Variants in FRY observed in about 807,000 individuals in gnomAD.
The protein encoded by FRY is FRY microtubule binding protein, also known as protein furry homolog.
In FRY, 128 loss-of-function variants were observed where a neutral mutation model predicts 348.4. That is an observed-to-expected ratio of 0.37 (90% confidence interval 0.32 to 0.43). FRY has a LOEUF of 0.43. Ranked by LOEUF, FRY falls within the 20% of genes least tolerant of loss-of-function variation. The pLI is 1.00. For synonymous variants in FRY, 1,370 were observed against 1,374.7 expected (o/e 1.00, Z 0.08); for missense variants, 2,736 against 3,695.2 (o/e 0.74, Z 6.73).
At position 32,239,646 on chromosome 13, in the gene FRY, A is replaced by G. The variant is rs985513652; in HGVS notation, c.6517-65A>G. On this transcript the variant is annotated intron_variant, in intron 45 of 60. Transcript: ENST00000542859. The surrounding 1 kb of genome is among the most constrained non-coding windows in gnomAD (Gnocchi z 4.3). Reference sequence around the variant, plus strand: ...CCAGATGGCCAGAGCTTATAGTAAAATTGCTAACATTTCTTCCTATTCATT... The same window carrying G: ...CCAGATGGCCAGAGCTTATAGTAAAGTTGCTAACATTTCTTCCTATTCATT... The G allele has an allele frequency of 6.8e-6, 8 of 1,168,014 alleles. No individual in the cohort carries two copies. Among genetic ancestry groups the G allele is most frequent in the Non-Finnish European group, 1.0e-5 (8 of 785,022 alleles). The allele number at this position is 1,168,014 out of a possible 1,614,324, so 72.4% of individuals were successfully genotyped here.
rs772100301 is a variant in FRY, at chr13:32,175,559, C to T, written c.2348C>T (p.Pro783Leu). Residue 783 changes from proline to leucine, a missense_variant, in exon 20 of 61, where the codon CCG (proline) becomes CTG (leucine). Pro to Leu is a moderately conservative substitution (Grantham distance 98, BLOSUM62 -3). Around this residue, in one of 9 missense-constraint regions of FRY, gnomAD observed 449 missense variants for 576.9 expected, o/e 0.78. Coordinates refer to ENST00000542859, the MANE Select transcript of FRY (RefSeq NM_023037.3). ...CCCTTTGTACAGGATGACGACAGGCCGATGATTGATGTCATGGATCAGCTA... is the reference window on the plus strand; with the variant it reads ...CCCTTTGTACAGGATGACGACAGGCTGATGATTGATGTCATGGATCAGCTA... ...ALGQPEDDDR[P>L]MIDVMDQLSS... is the part of the protein sequence containing the mutation. 1.9e-5 allele frequency: 30 copies of T among 1,609,624 alleles called. No individual in the cohort carries two copies. The highest frequency in any genetic ancestry group is 1.6e-4 in the Middle Eastern group (1 of 6,080).
intron 4 of FRY, among the ~76,000 whole-genome samples, chr13:32,117,935 G>A (rs1406222636): frequency 1.3e-5 from 2 of 152,064 alleles, no homozygotes; most frequent in African/African-American, 4.8e-5. Flanking sequence ...TGTGACTTTG[G>A]GCAGCTCCCC....
rs774892193 is a variant in FRY, at chr13:32,171,248, C to A, written c.2129C>A (p.Ala710Asp). Residue 710 changes from alanine to aspartate, a missense_variant, in exon 18 of 61, where the codon GCC becomes GAC. By Grantham distance (126) the Ala-to-Asp change is moderately radical. Transcript: ENST00000542859. ...IQTQGKVYEQANKIRNSELIA... is the reference protein window; with the variant it reads ...IQTQGKVYEQDNKIRNSELIA... ...ACACAAGGAAAAGTCTATGAACAAG[C>A]CAACAAAATCAGAAATTCAGAGGTG... The A allele has an allele frequency of 3.8e-5, 61 of 1,611,332 alleles. No individual in the cohort carries two copies. Among genetic ancestry groups the A allele is most frequent in the Non-Finnish European group, 5.1e-5 (60 of 1,179,140 alleles).
chr13:32,241,915 A>G lies in FRY; in HGVS notation c.6687+2034A>G, dbSNP rs147090006. On this transcript the variant is annotated intron_variant, in intron 46 of 60. Transcript: ENST00000542859. ...TTCTGTTTCAATTACACATTCTTTC[A>G]GGTCTTGGCTATGCACATACATATA... is the stretch of plus-strand genomic sequence containing the variant. 5.4e-3 allele frequency among the ~76,000 whole-genome samples: 824 copies of G among 152,256 alleles called. 5 individuals are homozygous for G. The highest frequency in any genetic ancestry group is 9.4e-3 in the Non-Finnish European group (641 of 68,016).
intron 40 of FRY, among the ~76,000 whole-genome samples, chr13:32,229,984 T>C (rs182581403): frequency 1.3e-5 from 2 of 152,348 alleles, no homozygotes; most frequent in East Asian, 3.9e-4. Context: ...AAATTAGATG[T>C]GTTTTGACTA....
Position 32,134,943 on chromosome 13 carries a change from A to G in FRY, c.925A>G (p.Ile309Val). ...HYFLEVKDKD[I>V]KHALAGLFVE... is the part of the protein sequence containing the mutation. ...CTTCCTCGAGGTCAAAGACAAAGATATCAAGCATGCCTTGGCTGGGCTTTT... is the reference window on the plus strand; with the variant it reads ...CTTCCTCGAGGTCAAAGACAAAGATGTCAAGCATGCCTTGGCTGGGCTTTT... The change falls in exon 9 of 61, where the codon ATC (isoleucine) becomes GTC (valine). Residue 309 changes from isoleucine to valine, a missense_variant. Transcript: ENST00000542859. 6.2e-7 allele frequency: 1 copy of G among 1,613,510 alleles called. No homozygotes were observed. Among genetic ancestry groups the G allele is most frequent in the East Asian group, 2.2e-5 (1 of 44,870 alleles).
In FRY at chr13:32,147,964, C is replaced by T. The variant is rs760459009; in HGVS notation, c.1392+17C>T. 20 of 1,347,336 alleles carry T rather than the reference C, an allele frequency of 1.5e-5. No individual in the cohort carries two copies. Among genetic ancestry groups the T allele is most frequent in the Middle Eastern group, 1.8e-4 (1 of 5,574 alleles). 83.5% of individuals were successfully genotyped at this position (1,347,336 alleles called of 1,614,324 possible). On this transcript the variant is annotated intron_variant, in intron 13 of 60. Coordinates refer to ENST00000542859, the MANE Select transcript of FRY (RefSeq NM_023037.3). Reference sequence around the variant, plus strand: ...ATTGCCCAGGTAATGGAGAAGATTCCGGTGGTGGGAATCTTCTGATGGTTT... The same window carrying T: ...ATTGCCCAGGTAATGGAGAAGATTCTGGTGGTGGGAATCTTCTGATGGTTT...
intron 3 of FRY, among the ~76,000 whole-genome samples, chr13:32,112,101 C>T (rs547543582): frequency 3.3e-5 from 5 of 152,268 alleles, no homozygotes; most frequent in Admixed American, 6.5e-5. Flanking sequence ...TGCTTGGACA[C>T]GGGATAGGTG....
intron 46 of FRY, among the ~76,000 whole-genome samples, chr13:32,243,580 A>G (rs979299539): frequency 6.6e-6 from 1 of 152,148 alleles, no homozygotes; most frequent in African/African-American, 2.4e-5. Context: ...AGTATTATCA[A>G]TTTCTAATCT....
At chr13:32,102,165 T>C (rs1311341128) in intron 3 of FRY, 149 bp downstream of exon 3, 1 of 634,226 alleles carries the variant, frequency 1.6e-6, no homozygotes, top group African/African-American at 1.8e-5. Context: ...GCAGTTTTCA[T>C]GGTTGTGGTT....
intron 58 of FRY, among the ~76,000 whole-genome samples, chr13:32,284,431 G>A (rs1327938964): frequency 6.6e-6 from 1 of 152,168 alleles, no homozygotes; most frequent in Non-Finnish European, 1.5e-5. Flanking sequence ...TCATCCTTCA[G>A]ATATAGTCAA....
chr13:32,179,070 G>GT (rs759639250), intron 22 of FRY, 37 bp downstream of exon 22: 980 of 1,527,876 alleles, frequency 6.4e-4, no homozygotes, highest in Non-Finnish European at 7.9e-4. Flanking sequence ...ATTCTGTAAG[G>GT]TTTTTTTTTA....
At chr13:32,235,484 C>A (rs930265645) in intron 42 of FRY, among the ~76,000 whole-genome samples, 2 of 152,126 alleles carry the variant, frequency 1.3e-5, no homozygotes, top group South Asian at 4.1e-4. Context: ...ATTAGCTAGG[C>A]GTGGTAGCAC....
rs184949902 is a variant in FRY at position 32,245,720 on chromosome 13, A to G, written c.6828+1538A>G. ...CCACAGACTAAAGCAGGGAGGCTCC[A>G]GGCCATGGGAGTAGTGCAGGGCCAC... On this transcript the variant is annotated intron_variant, in intron 47 of 60. Coordinates refer to ENST00000542859, the MANE Select transcript of FRY (RefSeq NM_023037.3). Among the ~76,000 whole-genome samples the G allele has an allele frequency of 5.2e-4, 59 of 113,708 alleles. 2 individuals carry two copies. The East Asian group carries it at 7.0e-3, about 13-fold the overall frequency. The allele number at this position is 113,708 out of a possible 152,430, so 74.6% of individuals were successfully genotyped here.
chr13:32,153,914 A>G (rs778853720), intron 14 of FRY, among the ~76,000 whole-genome samples: 3 of 152,130 alleles, frequency 2.0e-5, no homozygotes, highest in Non-Finnish European at 4.4e-5. Flanking sequence ...GATGAACTAT[A>G]TGAAACTTAA....
chr13:32,268,398 C>T (rs377205301), intron 55 of FRY, among the ~76,000 whole-genome samples: 108 of 150,246 alleles, frequency 7.2e-4, no homozygotes, highest in African/African-American at 2.6e-3. Flanking sequence ...AATAATGAGG[C>T]CTGGAAGCTA....
At chr13:32,259,752 C>T (rs1593813199) in intron 51 of FRY, among the ~76,000 whole-genome samples, 6 of 151,988 alleles carry the variant, frequency 3.9e-5, no homozygotes, top group African/African-American at 1.4e-4. Flanking sequence ...TTGGATTTTC[C>T]TTTTCTTCCC....
intron 3 of FRY, among the ~76,000 whole-genome samples, chr13:32,114,689 A>T (rs1878189374): frequency 2.6e-5 from 4 of 152,096 alleles, no homozygotes; most frequent in African/African-American, 7.2e-5. Flanking sequence ...ATAGTCAGAA[A>T]CTCTGAATTC....
chr13:32,192,450 C>A (rs1191837775), intron 28 of FRY, among the ~76,000 whole-genome samples: 2 of 151,498 alleles, frequency 1.3e-5, no homozygotes, highest in African/African-American at 4.9e-5. Flanking sequence ...GTAGCTGGGA[C>A]TACAGGCGCC....
Sources: allele counts gnomAD v4.1 joint callset (sites outside exome capture counted in the v4.1 genomes callset), GRCh38; gene constraint gnomAD v4.1.1; regional missense constraint gnomAD v4.1.1; non-coding constraint Gnocchi (gnomAD v3.1); transcripts MANE v1.5; gene names NCBI Gene and HGNC (gene_info 2026-07-23, HGNC 2026-07-21).